Variants in PSMA5 observed in about 807,000 individuals in gnomAD.
PSMA5 encodes proteasome 20S subunit alpha 5.
In PSMA5, 3 loss-of-function variants were observed where a neutral mutation model predicts 34.5. The observed-to-expected ratio is 0.09, with a 90% confidence interval of 0.04 to 0.22. PSMA5 has a LOEUF of 0.22. Ranked by LOEUF, PSMA5 falls within the 10% of genes least tolerant of loss-of-function variation. PSMA5 has a pLI of 1.00. For missense variants in PSMA5, 120 were observed against 286.1 expected, an observed-to-expected ratio of 0.42 and a Z score of 4.19; for synonymous variants, 88 against 95.8, an observed-to-expected ratio of 0.92 and a Z score of 0.47.
At chr1:109,415,897 G>A (rs1039252078) in intron 2 of PSMA5, among the ~76,000 whole-genome samples, 3 of 152,080 alleles carry the variant, frequency 2.0e-5, no homozygotes, top group Non-Finnish European at 2.9e-5. Flanking sequence ...GGAAGGTAGG[G>A]AGGGACGAAA....
At chr1:109,424,503 C>T (rs1420838849) in intron 1 of PSMA5, among the ~76,000 whole-genome samples, 3 of 151,862 alleles carry the variant, frequency 2.0e-5, no homozygotes, top group Non-Finnish European at 2.9e-5. Context: ...TCAGGCCGAG[C>T]GAGGTGGCTC....
intron 8 of PSMA5, among the ~76,000 whole-genome samples, chr1:109,405,771 A>C (rs560208263): frequency 1.3e-5 from 2 of 152,182 alleles, no homozygotes; most frequent in Non-Finnish European, 2.9e-5. Context: ...AACCATTAAG[A>C]TTAGATATAG....
In PSMA5 at chr1:109,400,944, G is replaced by T. The variant is rs1303240722; in HGVS notation, c.*1069C>A. The T allele has an allele frequency of 6.6e-6, 1 of 152,144 alleles. No homozygotes were observed. Among genetic ancestry groups the T allele is most frequent in the East Asian group, 1.9e-4 (1 of 5,188 alleles). 9.4% of individuals were successfully genotyped at this position (152,144 alleles called of 1,614,324 possible). A position where few individuals can be genotyped will look rare whatever the true frequency, so the allele number is the denominator to read the frequency against. On this transcript the variant is annotated 3_prime_UTR_variant, in exon 9 of 9. Transcript: ENST00000271308. ...AGATTTCCCTATTACTCAAGAGCTGGTGATCTGAAACAAGAAAATTTGAGC... is the reference window on the plus strand; with the variant it reads ...AGATTTCCCTATTACTCAAGAGCTGTTGATCTGAAACAAGAAAATTTGAGC...
At chr1:109,411,251 A>T in intron 6 of PSMA5, 138 bp from the exon 7 acceptor site, 1 of 609,934 alleles carries the variant, frequency 1.6e-6, no homozygotes, top group Non-Finnish European at 2.9e-6. Context: ...CACAGATCTA[A>T]AAGATGTTCT....
intron 8 of PSMA5, among the ~76,000 whole-genome samples, chr1:109,403,219 G>A (rs751905303): frequency 7.2e-5 from 11 of 152,184 alleles, no homozygotes; most frequent in Non-Finnish European, 1.6e-4. Context: ...TGTTGATCAT[G>A]TCCCACAGTT....
chr1:109,425,955 C>G lies in PSMA5; in HGVS notation c.29+347G>C, dbSNP rs41279730. ...TTTTTGTTTGTTTGTTCAAGGCAGT[C>G]ATACTAGGCACGAAAAGATGAACGG... On this transcript the variant is annotated intron_variant, in intron 1 of 8. Transcript: ENST00000271308. The G allele has an allele frequency of 4.5e-3, 1,761 of 389,656 alleles. 12 individuals are homozygous for G. The highest frequency in any genetic ancestry group is 5.7e-3 in the Non-Finnish European group (1,199 of 209,460). The allele number at this position is 389,656 out of a possible 1,614,324, so 24.1% of individuals were successfully genotyped here. A position where few individuals can be genotyped will look rare whatever the true frequency, so the allele number is the denominator to read the frequency against.
chr1:109,403,434 G>C (rs887474074), intron 8 of PSMA5, among the ~76,000 whole-genome samples: 2 of 151,534 alleles, frequency 1.3e-5, no homozygotes, highest in Non-Finnish European at 1.5e-5. Flanking sequence ...AACCAGCCTG[G>C]ACAACACAGG....
rs764377570 is a variant in PSMA5, at chr1:109,421,977, A to G, written c.30-51T>C. ...TTATACTCATAAAAACTAGCCATGTAGACACTGAATTCAAGTTCCTTGACA... is the reference window on the plus strand; with the variant it reads ...TTATACTCATAAAAACTAGCCATGTGGACACTGAATTCAAGTTCCTTGACA... On this transcript the variant is annotated intron_variant, in intron 1 of 8. Transcript: ENST00000271308. 6 of 1,204,922 alleles carry G rather than the reference A, an allele frequency of 5.0e-6. No individual in the cohort carries two copies. In the South Asian group the frequency reaches 1.0e-4, roughly 21 times the overall value. The allele number at this position is 1,204,922 out of a possible 1,614,324, so 74.6% of individuals were successfully genotyped here. A position where few individuals can be genotyped will look rare whatever the true frequency, so the allele number is the denominator to read the frequency against.
chr1:109,424,837 A>C (rs1344609674), intron 1 of PSMA5, among the ~76,000 whole-genome samples: 3 of 152,178 alleles, frequency 2.0e-5, no homozygotes, highest in Non-Finnish European at 4.4e-5. Context: ...AAATACAAAA[A>C]TTAGCTGGGA....
chr1:109,415,498 C>A (rs1216879567), intron 2 of PSMA5, 135 bp from the exon 3 acceptor site: 4 of 743,638 alleles, frequency 5.4e-6, no homozygotes, highest in Non-Finnish European at 7.8e-6. Context: ...AGAAGGAGCA[C>A]CCTAACATAC....
chr1:109,410,490 C>T (rs1279677738), intron 7 of PSMA5, among the ~76,000 whole-genome samples: 2 of 152,184 alleles, frequency 1.3e-5, no homozygotes, highest in African/African-American at 4.8e-5. Context: ...GTATGAACCA[C>T]CTGAATAAGT....
At chr1:109,405,445 A>AG (rs1310942158) in intron 8 of PSMA5, among the ~76,000 whole-genome samples, 1 of 108,010 alleles carries the variant, frequency 9.3e-6, no homozygotes, top group Non-Finnish European at 1.8e-5. Context: ...AAGTCAGAAA[A>AG]GGTTTTTTTT....
intron 7 of PSMA5, 38 bp from the exon 8 acceptor site, chr1:109,410,052 T>C: frequency 7.7e-7 from 1 of 1,304,622 alleles, no homozygotes; most frequent in Non-Finnish European, 1.1e-6. Flanking sequence ...CTATTAATTA[T>C]GCACAATCCG....
Position 109,401,388 on chromosome 1 carries a change from C to G in PSMA5, c.*625G>C, listed in dbSNP as rs2100948248. ...GAGGAGGACCTCAAAACATGTTCTT[C>G]TGATAGTCAATTAGTAGCATCTCCT... On this transcript the variant is annotated 3_prime_UTR_variant, in exon 9 of 9. Transcript: ENST00000271308. 6.6e-6 allele frequency: 1 copy of G among 152,198 alleles called. No homozygotes were observed. Among genetic ancestry groups the G allele is most frequent in the South Asian group, 2.1e-4 (1 of 4,820 alleles). The allele number at this position is 152,198 out of a possible 1,614,324, so 9.4% of individuals were successfully genotyped here.
intron 2 of PSMA5, among the ~76,000 whole-genome samples, chr1:109,419,921 C>T (rs1345405285): frequency 2.0e-5 from 3 of 149,054 alleles, no homozygotes; most frequent in African/African-American, 7.5e-5. Flanking sequence ...CTGCAGTGAC[C>T]TGAGATGCGC....
chr1:109,415,427 ATAGCTCTCTG>A, intron 2 of PSMA5, 64 bp from the exon 3 acceptor site: 1 of 1,498,874 alleles, frequency 6.7e-7, no homozygotes, highest in Non-Finnish European at 9.0e-7. Context: ...TACTCACCAG[ATAGCTCTCTG>A]TAAATCTTCA....
rs578026701 is a variant in PSMA5 at position 109,401,700 on chromosome 1, C to T, written c.*313G>A. On this transcript the variant is annotated 3_prime_UTR_variant, in exon 9 of 9. Coordinates refer to ENST00000271308, the MANE Select transcript of PSMA5 (RefSeq NM_002790.4). Reference sequence around the variant, plus strand: ...TACAATGGCTGGGCACAGTGGCTCTCGCCTATAATCCTAGCACTTCAGGAG... The same window carrying T: ...TACAATGGCTGGGCACAGTGGCTCTTGCCTATAATCCTAGCACTTCAGGAG... The T allele has an allele frequency of 4.8e-4, 94 of 197,636 alleles. No individual in the cohort carries two copies. The highest frequency in any genetic ancestry group is 7.6e-4 in the Non-Finnish European group (75 of 98,884). The allele number at this position is 197,636 out of a possible 1,614,324, so 12.2% of individuals were successfully genotyped here. A position where few individuals can be genotyped will look rare whatever the true frequency, so the allele number is the denominator to read the frequency against.
chr1:109,422,899 A>G (rs930988694), intron 1 of PSMA5, among the ~76,000 whole-genome samples: 1 of 152,238 alleles, frequency 6.6e-6, no homozygotes, highest in African/African-American at 2.4e-5. Context: ...CATTCACTCA[A>G]TATTTATATA....
In PSMA5 at chr1:109,401,944, T is replaced by C. The variant is rs1366868779; in HGVS notation, c.*69A>G. Reference sequence around the variant, plus strand: ...TGGAGATTTTCCAAGGAACAGGAGCTGGAAATAAAATTTAAGGACATTATT... The same window carrying C: ...TGGAGATTTTCCAAGGAACAGGAGCCGGAAATAAAATTTAAGGACATTATT... On this transcript the variant is annotated 3_prime_UTR_variant, in exon 9 of 9. Coordinates refer to ENST00000271308, the MANE Select transcript of PSMA5 (RefSeq NM_002790.4). The C allele has an allele frequency of 3.4e-5, 43 of 1,247,092 alleles. No individual in the cohort carries two copies. The highest frequency in any genetic ancestry group is 3.8e-4 in the Middle Eastern group (2 of 5,306). The allele number at this position is 1,247,092 out of a possible 1,614,324, so 77.3% of individuals were successfully genotyped here.
Sources: gnomAD v4.1 joint callset for allele counts (sites outside exome capture counted in the v4.1 genomes callset) on GRCh38, gnomAD v4.1.1 for gene constraint, MANE v1.5 for transcripts, NCBI Gene and HGNC (gene_info 2026-07-23, HGNC 2026-07-21) for gene names.